The following EXTL3 variants were observed in gnomAD, a reference collection of about 807,000 sequenced individuals.
EXTL3 encodes exostosin-like 3.
A neutral mutation model predicts 69.3 loss-of-function variants in EXTL3; 27 were observed. The observed-to-expected ratio is 0.39, with a 90% CI of 0.29 to 0.54. The LOEUF is 0.54. EXTL3 is among the 20% of genes least tolerant of loss of function. The probability of loss-of-function intolerance (pLI) is 0.69; values close to 1 mark genes in which losing one functional copy is unlikely to be tolerated. For synonymous variants in EXTL3, 511 were observed against 499.4 expected (o/e 1.02, Z -0.31); for missense variants, 1,003 against 1,231.8 (o/e 0.81, Z 2.78).
rs1028844461 is a variant in EXTL3 at position 28,655,864 on chromosome 8, G to A, written c.-53+33054G>A. On this transcript the variant is annotated intron_variant, in intron 1 of 6. Transcript: ENST00000523149. ...CACATTTCTCAATCTGCTATTTACA[G>A]AATGATTCAACCTGGTCATGATGGC... Among the ~76,000 whole-genome samples, 8 of 152,246 alleles carry A rather than the reference G, an allele frequency of 5.3e-5. No individual in the cohort carries two copies. The South Asian group carries it at 1.2e-3, about 24-fold the overall frequency.
chr8:28,755,256 T>G lies in EXTL3; in HGVS notation c.*4390T>G, dbSNP rs1802096386. 6.6e-6 allele frequency: 1 copy of G among 152,408 alleles called. No homozygotes were observed. Among genetic ancestry groups the G allele is most frequent in the African/African-American group, 2.4e-5 (1 of 41,448 alleles). The allele number at this position is 152,408 out of a possible 1,614,324, so 9.4% of individuals were successfully genotyped here. On this transcript the variant is annotated 3_prime_UTR_variant, in exon 7 of 7. Transcript: ENST00000220562. ...GCTGAGTGCCCTGCTCACCTCCTAT[T>G]AGAGCCCCCACGCTCTGTCGCCTCA... is the stretch of plus-strand genomic sequence containing the variant.
At chr8:28,708,754 C>G (rs1800972739) in intron 1 of EXTL3, among the ~76,000 whole-genome samples, 1 of 152,140 alleles carries the variant, frequency 6.6e-6, no homozygotes, top group South Asian at 2.1e-4. Context: ...GAACCCGCAC[C>G]TGGGTTGTCA....
At chr8:28,726,450 C>T (rs143549885) in intron 3 of EXTL3, among the ~76,000 whole-genome samples, 5 of 152,238 alleles carry the variant, frequency 3.3e-5, no homozygotes, top group East Asian at 1.9e-4. Flanking sequence ...AATCTTTTTG[C>T]GGCTATAGGG....
intron 1 of EXTL3, among the ~76,000 whole-genome samples, chr8:28,708,230 C>G (rs1800961946): frequency 6.6e-6 from 1 of 152,164 alleles, no homozygotes; most frequent in Non-Finnish European, 1.5e-5. Context: ...CAGTTTTTCA[C>G]ACTTCGTTTT....
Position 28,691,572 on chromosome 8 carries a change from A to ATTTTTTTTTTTTTTTTTTTTTTTTT in EXTL3, c.-52-21873_-52-21872insTTTTTTTTTTTTTTTTTTTTTTTTT, listed in dbSNP as rs71222571. Among the ~76,000 whole-genome samples the ATTTTTTTTTTTTTTTTTTTTTTTTT allele has an allele frequency of 5.0e-4, 68 of 135,464 alleles. 5 individuals carry two copies. Among genetic ancestry groups the ATTTTTTTTTTTTTTTTTTTTTTTTT allele is most frequent in the African/African-American group, 2.0e-3 (63 of 31,006 alleles). 88.9% of individuals were successfully genotyped at this position (135,464 alleles called of 152,430 possible). A position where few individuals can be genotyped will look rare whatever the true frequency, so the allele number is the denominator to read the frequency against. ...TGGTAAATATTTATCAGTTTTTGTG[A>ATTTTTTTTTTTTTTTTTTTTTTTTT]TTTTTTTTTTTTGCTATTGTGTTCC... On this transcript the variant is annotated intron_variant, in intron 1 of 6. Coordinates refer to the EXTL3 transcript ENST00000523149.
chr8:28,731,772 G>T (rs981143146), intron 4 of EXTL3, among the ~76,000 whole-genome samples: 1 of 152,122 alleles, frequency 6.6e-6, no homozygotes, highest in Admixed American at 6.6e-5. Context: ...GTGTGTTGGA[G>T]CAATGGAACA....
chr8:28,669,385 A>G (rs1807250318), intron 1 of EXTL3, among the ~76,000 whole-genome samples: 1 of 152,248 alleles, frequency 6.6e-6, no homozygotes, highest in Admixed American at 6.5e-5. Flanking sequence ...TGTTAATGCT[A>G]TGCAGCTTTG....
At chr8:28,696,904 A>G (rs368946033), upstream of EXTL3, 8 of 152,260 alleles carry the variant, frequency 5.3e-5, no homozygotes, top group East Asian at 3.9e-4. Flanking sequence ...ACATCTGGGT[A>G]CTTTTCTGTT....
chr8:28,661,724 A>G (rs1341938977), intron 1 of EXTL3, among the ~76,000 whole-genome samples: 24 of 151,530 alleles, frequency 1.6e-4, no homozygotes, highest in Admixed American at 1.6e-3. Context: ...TACTAAAAAT[A>G]CAAAAAAAAA....
chr8:28,698,719 C>T (rs914400485), upstream of EXTL3, among the ~76,000 whole-genome samples: 56 of 152,036 alleles, frequency 3.7e-4, no homozygotes, highest in African/African-American at 1.3e-3. Context: ...TTAGGCCGGG[C>T]GTGGTGGCTC....
At chr8:28,704,864 T>G (rs1800886814) in intron 1 of EXTL3, among the ~76,000 whole-genome samples, 1 of 152,166 alleles carries the variant, frequency 6.6e-6, no homozygotes, top group African/African-American at 2.4e-5. Flanking sequence ...GAGACTGGGT[T>G]TCACCAAGTT....
intron 1 of EXTL3, among the ~76,000 whole-genome samples, chr8:28,641,402 C>G (rs1420622059): frequency 6.6e-6 from 1 of 152,182 alleles, no homozygotes; most frequent in South Asian, 2.1e-4. Flanking sequence ...TGGAAAAGAC[C>G]GAGCAAGAGT....
chr8:28,734,818 A>G (rs1373896010), intron 4 of EXTL3, among the ~76,000 whole-genome samples: 1 of 152,230 alleles, frequency 6.6e-6, no homozygotes, highest in Non-Finnish European at 1.5e-5. Flanking sequence ...CATTCTGTTC[A>G]CTGAAGGCCT....
At chr8:28,749,643 ATTC>A (rs1297641663) in intron 6 of EXTL3, among the ~76,000 whole-genome samples, 13 of 152,104 alleles carry the variant, frequency 8.5e-5, no homozygotes, top group African/African-American at 2.9e-4. Context: ...TCATTCATTC[ATTC>A]ATTCATTCAT....
At chr8:28,712,544 A>G (rs929791889) in intron 1 of EXTL3, among the ~76,000 whole-genome samples, 18 of 152,350 alleles carry the variant, frequency 1.2e-4, no homozygotes, top group African/African-American at 4.3e-4. Flanking sequence ...GCTCCTTATC[A>G]TTGTTTCAGT....
Position 28,743,178 on chromosome 8 carries a change from C to T in EXTL3, c.2514C>T (p.Phe838=), listed in dbSNP as rs765685283. The T allele has an allele frequency of 1.3e-4, 213 of 1,614,106 alleles. No individual in the cohort carries two copies. The highest frequency in any genetic ancestry group is 1.7e-4 in the Non-Finnish European group (199 of 1,180,046). The change falls in exon 6 of 7, where the codon TTC becomes TTT. Residue 838 remains phenylalanine (F), a synonymous_variant. Transcript: ENST00000220562. ...ACTGTGAGGACATTGCCATGAACTTCCTTGTCTCCCACATCACTCGGAAGC... is the reference window on the plus strand; with the variant it reads ...ACTGTGAGGACATTGCCATGAACTTTCTTGTCTCCCACATCACTCGGAAGC... The part of the protein sequence containing the change: ...YINCEDIAMN[F]LVSHITRKPP...
chr8:28,682,789 C>T (rs1234594991), intron 1 of EXTL3, among the ~76,000 whole-genome samples: 1 of 152,060 alleles, frequency 6.6e-6, no homozygotes, highest in East Asian at 1.9e-4. Context: ...TCTATTTTTG[C>T]TTTTGTTGCC....
At chr8:28,693,778 T>C (rs1800650251) in intron 1 of EXTL3, among the ~76,000 whole-genome samples, 1 of 152,182 alleles carries the variant, frequency 6.6e-6, no homozygotes, top group Non-Finnish European at 1.5e-5. Context: ...AAGATGACCT[T>C]TTGGCTTTTT....
At chr8:28,743,254 G>A (rs779877954) in intron 6 of EXTL3, 40 bp downstream of exon 6, 29 of 1,613,256 alleles carry the variant, frequency 1.8e-5, no homozygotes, top group Non-Finnish European at 2.4e-5. Context: ...ATGCGTGCAT[G>A]TTTACTTCAC....
Sources: allele counts gnomAD v4.1 joint callset (sites outside exome capture counted in the v4.1 genomes callset), GRCh38; gene constraint gnomAD v4.1.1; transcripts MANE v1.5; gene names NCBI Gene and HGNC (gene_info 2026-07-23, HGNC 2026-07-21).